SLC45A4: variants seen among roughly 807,000 people sequenced by gnomAD.
SLC45A4 encodes solute carrier family 45 member 4.
SLC45A4 carries 32 observed loss-of-function variants against 63.7 expected under a neutral mutation model. The observed-to-expected ratio is 0.50, with a 90% confidence interval of 0.38 to 0.67. The LOEUF (loss-of-function observed/expected upper bound fraction) is 0.67. SLC45A4 is among the 30% of genes least tolerant of loss of function. The probability of loss-of-function intolerance (pLI) is 0.00; values close to 1 mark genes in which losing one functional copy is unlikely to be tolerated. For synonymous variants in SLC45A4, 535 were observed against 510.0 expected (o/e 1.05, Z -0.66); for missense variants, 1,027 against 1,157.7 (o/e 0.89, Z 1.64).
intron 1 of SLC45A4, among the ~76,000 whole-genome samples, chr8:141,266,603 T>C (rs562763728): frequency 2.0e-5 from 3 of 152,234 alleles, no homozygotes; most frequent in Non-Finnish European, 2.9e-5. Flanking sequence ...ATGAAACCAG[T>C]GTGTGTCAAG....
At chr8:141,268,655 A>C (rs1829385155) in intron 1 of SLC45A4, among the ~76,000 whole-genome samples, 2 of 152,204 alleles carry the variant, frequency 1.3e-5, no homozygotes, top group Non-Finnish European at 2.9e-5. Flanking sequence ...TATTTACATA[A>C]ATAAATAAGG....
chr8:141,290,511 T>G (rs141374589), intron 1 of SLC45A4, among the ~76,000 whole-genome samples: 9 of 152,366 alleles, frequency 5.9e-5, no homozygotes, highest in Non-Finnish European at 1.0e-4. Flanking sequence ...AAAGTAAATA[T>G]GAGGTGTTCA....
chr8:141,308,268 G>A lies in SLC45A4; in HGVS notation c.-573C>T, dbSNP rs894729146. 1 of 147,594 alleles carries A rather than the reference G, an allele frequency of 6.8e-6. No homozygotes were observed. The highest frequency in any genetic ancestry group is 2.4e-5 in the African/African-American group (1 of 40,898). 9.1% of individuals were successfully genotyped at this position (147,594 alleles called of 1,614,324 possible). ...GCGGTCAGTCAGCGACGCGGGCGCG[G>A]AGAGAGCGCTGCGAGGCTGCGGCCG... On this transcript the variant is annotated 5_prime_UTR_variant, in exon 1 of 9. Transcript: ENST00000517878.
At chr8:141,238,846 G>A (rs1398659298) in intron 2 of SLC45A4, among the ~76,000 whole-genome samples, 1 of 152,158 alleles carries the variant, frequency 6.6e-6, no homozygotes, top group Non-Finnish European at 1.5e-5. Context: ...AGGCTGCCCC[G>A]CCCTGAGGAG....
chr8:141,308,105 C>T lies in SLC45A4; in HGVS notation c.-410G>A, dbSNP rs1356432139. ...GCGGCAGGCCACTCACCTGTCTCCT[C>T]CGGCCGGGGCCGCGGGGGCGGCGGG... is the stretch of plus-strand genomic sequence containing the variant. On this transcript the variant is annotated 5_prime_UTR_variant, in exon 1 of 9. Transcript: ENST00000517878. 6.8e-6 allele frequency: 1 copy of T among 147,742 alleles called. No individual in the cohort carries two copies. Among genetic ancestry groups the T allele is most frequent in the Non-Finnish European group, 1.5e-5 (1 of 66,086 alleles). 9.2% of individuals were successfully genotyped at this position (147,742 alleles called of 1,614,324 possible). A position where few individuals can be genotyped will look rare whatever the true frequency, so the allele number is the denominator to read the frequency against.
Position 141,219,096 on chromosome 8 carries a change from G to A in SLC45A4, c.611-67C>T, listed in dbSNP as rs190187211. 113 of 1,545,810 alleles carry A rather than the reference G, an allele frequency of 7.3e-5. No homozygotes were observed. The East Asian group carries it at 2.1e-3, about 28-fold the overall frequency. The stretch of plus-strand genomic sequence containing the variant: ...GGCCACAGGGGGGGAAGCTCTGGGA[G>A]GGCCTCTCCCTCTAACAGGGGGCCG... On this transcript the variant is annotated intron_variant, in intron 4 of 8. Transcript: ENST00000517878.
intron 2 of SLC45A4, among the ~76,000 whole-genome samples, chr8:141,232,832 G>A (rs576950606): frequency 2.5e-4 from 38 of 151,938 alleles, no homozygotes; most frequent in African/African-American, 8.9e-4. Context: ...GGGAACACAC[G>A]CACTCAATGG....
chr8:141,280,983 T>C (rs1829916221), intron 1 of SLC45A4, among the ~76,000 whole-genome samples: 1 of 152,088 alleles, frequency 6.6e-6, no homozygotes, highest in African/African-American at 2.4e-5. Flanking sequence ...GACAACGGAG[T>C]CCAGGCATCC....
At chr8:141,296,553 A>AGGC (rs1374637996) in intron 1 of SLC45A4, among the ~76,000 whole-genome samples, 3 of 150,190 alleles carry the variant, frequency 2.0e-5, no homozygotes, top group African/African-American at 7.3e-5. Flanking sequence ...AAAAAAAAGA[A>AGGC]GGCCAGGCGT....
chr8:141,248,588 A>C (rs1828327022), intron 2 of SLC45A4, among the ~76,000 whole-genome samples: 2 of 152,216 alleles, frequency 1.3e-5, no homozygotes, highest in African/African-American at 2.4e-5. Context: ...ATAATAAATA[A>C]ATAAAAGTGG....
chr8:141,258,712 A>G (rs1028390635), intron 1 of SLC45A4, among the ~76,000 whole-genome samples: 2 of 152,104 alleles, frequency 1.3e-5, no homozygotes, highest in African/African-American at 4.8e-5. Flanking sequence ...GCAAGACTCC[A>G]TCTCTATAAT....
chr8:141,238,949 G>C (rs1168565740), intron 2 of SLC45A4, among the ~76,000 whole-genome samples: 1 of 152,164 alleles, frequency 6.6e-6, no homozygotes, highest in Non-Finnish European at 1.5e-5. Context: ...TTCTAGTAAA[G>C]TCTCCCCAGG....
At chr8:141,232,696 G>A (rs1218426235) in intron 2 of SLC45A4, among the ~76,000 whole-genome samples, 1 of 147,738 alleles carries the variant, frequency 6.8e-6, no homozygotes, top group Non-Finnish European at 1.5e-5. Flanking sequence ...CTCACCAGCT[G>A]CAACGGGAAC....
chr8:141,267,464 C>T (rs1589833325), intron 1 of SLC45A4, among the ~76,000 whole-genome samples: 1 of 152,264 alleles, frequency 6.6e-6, no homozygotes, highest in East Asian at 1.9e-4. Flanking sequence ...TGACGCCGGA[C>T]AGTGCCAGGG....
Position 141,211,529 on chromosome 8 carries a change from C to A in SLC45A4, c.*43G>T. 1.2e-6 allele frequency: 2 copies of A among 1,613,052 alleles called. No individual in the cohort carries two copies. Among genetic ancestry groups the A allele is most frequent in the Non-Finnish European group, 1.7e-6 (2 of 1,179,858 alleles). ...CCCAAGGACAGGGCTGCCCTGGGCA[C>A]AATGTGTCCAACTCGCTGAGGAAAA... On this transcript the variant is annotated 3_prime_UTR_variant, in exon 9 of 9. Transcript: ENST00000517878.
intron 2 of SLC45A4, among the ~76,000 whole-genome samples, chr8:141,244,958 G>T (rs908748782): frequency 1.1e-4 from 6 of 53,184 alleles, no homozygotes; most frequent in East Asian, 8.1e-4. Context: ...AGACGTGGGT[G>T]GGGGGGGGGG....
rs1828680860 is a variant in SLC45A4, at chr8:141,254,661, G to A, written c.-400-32C>T. On this transcript the variant is annotated intron_variant, in intron 1 of 8. Transcript: ENST00000517878. The surrounding 1 kb of genome is among the most constrained non-coding windows in gnomAD (Gnocchi z 4.5). ...AAGAGGAAAACAACCCGGCCAGAGA[G>A]TCAGGGGACGGCCACCAGATGGCCC... is the stretch of plus-strand genomic sequence containing the variant. 1.0e-5 allele frequency: 7 copies of A among 696,676 alleles called. No homozygotes were observed. Among genetic ancestry groups the A allele is most frequent in the Non-Finnish European group, 1.8e-5 (7 of 381,742 alleles). 43.2% of individuals were successfully genotyped at this position (696,676 alleles called of 1,614,324 possible). A position where few individuals can be genotyped will look rare whatever the true frequency, so the allele number is the denominator to read the frequency against.
chr8:141,211,924 AAT>A (rs1569557805), intron 8 of SLC45A4: 8 of 1,256,658 alleles, frequency 6.4e-6, no homozygotes, highest in Non-Finnish European at 7.0e-6. Context: ...CTGAAATTAA[AAT>A]ATCTTTTTCA....
intron 4 of SLC45A4, 143 bp from the exon 5 acceptor site, chr8:141,219,172 G>C: frequency 1.0e-6 from 1 of 978,788 alleles, no homozygotes; most frequent in Non-Finnish European, 1.5e-6. Context: ...AAAGCAGTAG[G>C]AAAACAAAAC....
Sources: gnomAD v4.1 joint callset for allele counts (sites outside exome capture counted in the v4.1 genomes callset) on GRCh38, gnomAD v4.1.1 for gene constraint, Gnocchi (gnomAD v3.1) non-coding constraint, MANE v1.5 for transcripts, NCBI Gene and HGNC (gene_info 2026-07-23, HGNC 2026-07-21) for gene names.